The following CLPB variants were observed in gnomAD, a reference collection of about 807,000 sequenced individuals.
CLPB encodes mitochondrial disaggregase.
A neutral mutation model predicts 78.4 loss-of-function variants in CLPB; 40 were observed. The ratio of observed to expected loss-of-function variants is 0.51; its 90% CI spans 0.40 to 0.66. The LOEUF is 0.66. Among genes scored for constraint, CLPB ranks in the 30% least tolerant of loss-of-function variants. The pLI is 0.00. For missense variants in CLPB, 780 were observed against 886.9 expected (o/e 0.88, Z 1.53); for synonymous variants, 333 against 348.0 (o/e 0.96, Z 0.48).
intron 6 of CLPB, among the ~76,000 whole-genome samples, chr11:72,325,497 G>A (rs978497962): frequency 7.2e-5 from 11 of 152,142 alleles, no homozygotes; most frequent in Non-Finnish European, 8.8e-5. Flanking sequence ...AGGCTTCGGC[G>A]CACAGAATGC....
At chr11:72,300,043 C>T (rs1388482147) in intron 11 of CLPB, among the ~76,000 whole-genome samples, 2 of 152,302 alleles carry the variant, frequency 1.3e-5, no homozygotes, top group South Asian at 2.1e-4. Flanking sequence ...GGCATGGTCC[C>T]GTCCCTTGCG....
At chr11:72,414,385 C>T (rs1381247168) in intron 2 of CLPB, among the ~76,000 whole-genome samples, 1 of 152,208 alleles carries the variant, frequency 6.6e-6, no homozygotes, top group Non-Finnish European at 1.5e-5. Flanking sequence ...GGCTGGCTGC[C>T]AGGAAACCTG....
rs1565413576 is a variant in CLPB at position 72,286,220 on chromosome 11, C to CTTTTTTTTTTTT, written c.*7146_*7147insAAAAAAAAAAAA. The CTTTTTTTTTTTT allele has an allele frequency of 1.6e-5, 1 of 64,072 alleles. No homozygotes were observed. The highest frequency in any genetic ancestry group is 3.1e-4 in the East Asian group (1 of 3,252). The allele number at this position is 64,072 out of a possible 1,614,324, so 4.0% of individuals were successfully genotyped here. On this transcript the variant is annotated 3_prime_UTR_variant, in exon 16 of 16. Transcript: ENST00000538039. ...GAGATTACAGGTGTGAGATACTGCA[C>CTTTTTTTTTTTT]CTGTTTTTTTTTTTTTTTTTTTTTT...
intron 2 of CLPB, among the ~76,000 whole-genome samples, chr11:72,422,907 T>C (rs1856252856): frequency 6.6e-6 from 1 of 152,192 alleles, no homozygotes; most frequent in Non-Finnish European, 1.5e-5. Flanking sequence ...GGACAGCAAG[T>C]GCCTCAAGCC....
chr11:72,377,212 A>C (rs773314426), intron 4 of CLPB, among the ~76,000 whole-genome samples: 81 of 152,338 alleles, frequency 5.3e-4, no homozygotes, highest in Non-Finnish European at 1.0e-3. Context: ...TGGTAGAATT[A>C]CACCTGAGAA....
intron 4 of CLPB, among the ~76,000 whole-genome samples, chr11:72,376,361 T>C (rs915532483): frequency 2.6e-5 from 4 of 152,008 alleles, no homozygotes; most frequent in Non-Finnish European, 4.4e-5. Flanking sequence ...AGGAAAGACA[T>C]GGTTAAGACG....
chr11:72,345,816 A>G (rs1206775216), intron 5 of CLPB, among the ~76,000 whole-genome samples: 2 of 152,216 alleles, frequency 1.3e-5, no homozygotes, highest in Non-Finnish European at 2.9e-5. Context: ...GGAACCCAGT[A>G]TTTGACTATA....
At chr11:72,324,873 G>A (rs1422894762) in intron 6 of CLPB, among the ~76,000 whole-genome samples, 1 of 152,216 alleles carries the variant, frequency 6.6e-6, no homozygotes, top group African/African-American at 2.4e-5. Flanking sequence ...GGGCCCAGGG[G>A]AGCATCACAT....
chr11:72,314,835 GAGGC>G (rs1949912411), intron 7 of CLPB, among the ~76,000 whole-genome samples: 1 of 152,114 alleles, frequency 6.6e-6, no homozygotes, highest in Non-Finnish European at 1.5e-5. Flanking sequence ...CAGAGAGGCA[GAGGC>G]AGGCCATTGT....
chr11:72,349,158 G>C (rs1590827663), intron 5 of CLPB, among the ~76,000 whole-genome samples: 1 of 152,216 alleles, frequency 6.6e-6, no homozygotes, highest in African/African-American at 2.4e-5. Flanking sequence ...TGAGATTATA[G>C]TCCAATTATA....
intron 5 of CLPB, among the ~76,000 whole-genome samples, chr11:72,331,157 C>A (rs1950218360): frequency 6.6e-6 from 1 of 151,800 alleles, no homozygotes; most frequent in Non-Finnish European, 1.5e-5. Context: ...GTAATCTCAG[C>A]ACTTTGGGAG....
chr11:72,420,123 G>A (rs1030609697), intron 2 of CLPB, among the ~76,000 whole-genome samples: 2 of 152,110 alleles, frequency 1.3e-5, no homozygotes, highest in East Asian at 1.9e-4. Context: ...AGGCAGGACT[G>A]CTTGAGCCCA....
chr11:72,321,987 G>A (rs1950052586), intron 6 of CLPB, among the ~76,000 whole-genome samples: 1 of 152,072 alleles, frequency 6.6e-6, no homozygotes, highest in African/African-American at 2.4e-5. Context: ...GGATGACGAT[G>A]GAGAAAGCCT....
chr11:72,407,769 C>T (rs909969684), intron 2 of CLPB, among the ~76,000 whole-genome samples: 1 of 152,054 alleles, frequency 6.6e-6, no homozygotes, highest in Non-Finnish European at 1.5e-5. Context: ...GCCTCAGCCT[C>T]CCAAGTAGCT....
intron 7 of CLPB, 52 bp downstream of exon 7, chr11:72,317,054 T>A: frequency 4.6e-6 from 6 of 1,307,234 alleles, no homozygotes; most frequent in Non-Finnish European, 6.4e-6. Flanking sequence ...GACGACAGGA[T>A]GTACCCCTCA....
intron 2 of CLPB, among the ~76,000 whole-genome samples, chr11:72,424,595 TA>T (rs907998774): frequency 3.6e-5 from 5 of 138,892 alleles, no homozygotes; most frequent in East Asian, 4.1e-4. Flanking sequence ...CATTTCTACT[TA>T]AAAAAAAAAC....
chr11:72,357,562 G>A (rs1305069385), intron 5 of CLPB, among the ~76,000 whole-genome samples: 3 of 151,854 alleles, frequency 2.0e-5, no homozygotes, highest in Non-Finnish European at 4.4e-5. Context: ...CAGATGTGGT[G>A]GAACATGCCT....
At chr11:72,420,918 G>T (rs1856177804) in intron 2 of CLPB, among the ~76,000 whole-genome samples, 2 of 152,170 alleles carry the variant, frequency 1.3e-5, no homozygotes, top group African/African-American at 4.8e-5. Flanking sequence ...CCAGCACTTT[G>T]GGAGGCCAAG....
In CLPB at chr11:72,434,490, G is replaced by GA. The variant is rs1216480168; in HGVS notation, c.-17dup. ...ACCCCAGCATCTTGACAGCTGCTTC[G>GA]ATAACCCCGTGGTGCCGGCCCCTGT... is the stretch of plus-strand genomic sequence containing the variant. On this transcript the variant is annotated 5_prime_UTR_variant, in exon 1 of 16. Coordinates refer to ENST00000538039, the MANE Select transcript of CLPB (RefSeq NM_001258392.3). 6.6e-7 allele frequency: 1 copy of GA among 1,524,182 alleles called. No individual in the cohort carries two copies. Among genetic ancestry groups the GA allele is most frequent in the Admixed American group, 2.1e-5 (1 of 46,746 alleles). 94.4% of individuals were successfully genotyped at this position (1,524,182 alleles called of 1,614,324 possible).
Sources: allele counts gnomAD v4.1 joint callset (sites outside exome capture counted in the v4.1 genomes callset), GRCh38; gene constraint gnomAD v4.1.1; transcripts MANE v1.5; gene names NCBI Gene and HGNC (gene_info 2026-07-23, HGNC 2026-07-21).